DNAH12: variants seen among roughly 807,000 people sequenced by gnomAD.
DNAH12 encodes axonemal beta dynein heavy chain 12.
DNAH12 carries 285 observed loss-of-function variants against 371.5 expected under a neutral mutation model. The observed-to-expected ratio is 0.77, with a 90% CI of 0.70 to 0.85. DNAH12 has a LOEUF of 0.85. Among genes scored for constraint, DNAH12 ranks in the 40% least tolerant of loss-of-function variants. The pLI, the probability that DNAH12 is intolerant of heterozygous loss-of-function variation, is 0.00. For missense variants in DNAH12, 3,611 were observed against 3,689.4 expected (o/e 0.98, Z 0.55); for synonymous variants, 1,200 against 1,213.0 (o/e 0.99, Z 0.22).
In DNAH12 at chr3:57,425,100, G is replaced by A. The variant is rs1193426781; in HGVS notation, c.5295C>T (p.Leu1765=). The A allele has an allele frequency of 5.7e-6, 4 of 702,800 alleles. No individual in the cohort carries two copies. The highest frequency in any genetic ancestry group is 5.4e-5 in the East Asian group (2 of 37,272). The allele number at this position is 702,800 out of a possible 1,614,324, so 43.5% of individuals were successfully genotyped here. The change falls in exon 35 of 74, where the codon CTC becomes CTT. Residue 1765 remains leucine, a synonymous_variant. Transcript: ENST00000495027. ...AAAGTAGCACTTCAAAGAGGCGTGT[G>A]AGAGATACAACCACGTTGCTGTTGC... The part of the protein sequence containing the change: ...PTSNSNVVVS[L]TRLFEVLLCN...
chr3:57,399,280 A>T (rs2153350461), intron 43 of DNAH12, among the ~76,000 whole-genome samples: 1 of 152,292 alleles, frequency 6.6e-6, no homozygotes, highest in East Asian at 1.9e-4. Context: ...AAGCTACAAG[A>T]CACACAGAAA....
intron 2 of DNAH12, among the ~76,000 whole-genome samples, chr3:57,541,122 C>G (rs2069263967): frequency 6.6e-6 from 1 of 151,714 alleles, no homozygotes; most frequent in Non-Finnish European, 1.5e-5. Context: ...TCACTGCAAC[C>G]TCCCCATCCC....
At chr3:57,314,685 G>A in intron 65 of DNAH12, 54 bp from the exon 66 acceptor site, 1 of 1,481,422 alleles carries the variant, frequency 6.8e-7, no homozygotes, top group Non-Finnish European at 9.0e-7. Flanking sequence ...GATTCCATCA[G>A]TAAAATGAGA....
At position 57,310,708 on chromosome 3, in the gene DNAH12, C is replaced by A. The variant is rs1455981333; in HGVS notation, c.10896+9G>T. On this transcript the variant is annotated intron_variant, in intron 67 of 73. Transcript: ENST00000495027. ...ATTAATCTAACCTTATTTTTGGTGA[C>A]ATCATTACCTTAATGAATTCAATGT... 7 of 1,529,204 alleles carry A rather than the reference C, an allele frequency of 4.6e-6. No individual in the cohort carries two copies. The Middle Eastern group carries it at 5.0e-4, about 110-fold the overall frequency. 94.7% of individuals were successfully genotyped at this position (1,529,204 alleles called of 1,614,324 possible).
chr3:57,512,635 A>G (rs2068040481), intron 4 of DNAH12: 1 of 152,234 alleles, frequency 6.6e-6, no homozygotes, highest in African/African-American at 2.4e-5. Context: ...TAGTTCAACC[A>G]TTGTGGAAGA....
At chr3:57,295,914 T>G (rs1468006672) in intron 72 of DNAH12, among the ~76,000 whole-genome samples, 1 of 152,208 alleles carries the variant, frequency 6.6e-6, no homozygotes, top group East Asian at 1.9e-4. Context: ...ATTGCTTAAT[T>G]TCCTGAGTGA....
intron 60 of DNAH12, among the ~76,000 whole-genome samples, chr3:57,343,577 T>C (rs1274108346): frequency 3.3e-5 from 5 of 152,208 alleles, no homozygotes; most frequent in African/African-American, 1.2e-4. Flanking sequence ...TGTGATAGTC[T>C]GAAATATGGC....
At position 57,452,974 on chromosome 3, in the gene DNAH12, G is replaced by A. The variant is rs968382487; in HGVS notation, c.3655C>T (p.Arg1219Ter). The change falls in exon 25 of 74, where the codon CGA (arginine) becomes TGA (stop). Residue 1219 changes from arginine (R) to a stop codon, truncating the protein, a stop_gained. Coordinates refer to ENST00000495027, the MANE Select transcript of DNAH12 (RefSeq NM_001366028.2). LOFTEE classifies it high-confidence loss of function. Reference sequence around the variant, plus strand: ...GCATTCTCATTTTCCCAATAATATCGGAGCTGAGCAAGCCACAGGAAATCT... The same window carrying A: ...GCATTCTCATTTTCCCAATAATATCAGAGCTGAGCAAGCCACAGGAAATCT... ...DTDFLWLAQL[R>*]YYWENENARV... 4 of 1,550,418 alleles carry A rather than the reference G, an allele frequency of 2.6e-6. No homozygotes were observed. The East Asian group carries it at 7.3e-5, about 28-fold the overall frequency.
intron 2 of DNAH12, chr3:57,536,351 G>C (rs1452053854): frequency 6.6e-6 from 1 of 152,142 alleles, no homozygotes; most frequent in Non-Finnish European, 1.5e-5. Context: ...TGCTGCCAAA[G>C]TGAGCACTCA....
In DNAH12 at chr3:57,296,974, T is replaced by C; in HGVS notation, c.11405A>G (p.Asn3802Ser). 2 of 1,551,622 alleles carry C rather than the reference T, an allele frequency of 1.3e-6. No individual in the cohort carries two copies. The highest frequency in any genetic ancestry group is 1.7e-6 in the Non-Finnish European group (2 of 1,146,982). Residue 3802 changes from asparagine (N) to serine (S), a missense_variant, in exon 71 of 74, where the codon AAT becomes AGT. Asn to Ser is a conservative substitution (Grantham distance 46). This residue lies in a region of DNAH12 where 2,266 missense variants were observed against 2,236.9 expected (regional missense o/e 1.01). Transcript: ENST00000495027. ...CCAAAACACACAAGGTTTTCCTGAA[T>C]TATACCAGTCCTACAAAGGGAAAAC... ...ARLNFLQDWY[N>S]SGKPCVFWLS...
intron 40 of DNAH12, among the ~76,000 whole-genome samples, chr3:57,406,377 A>G (rs1302374426): frequency 6.8e-6 from 1 of 146,660 alleles, no homozygotes; most frequent in Non-Finnish European, 1.5e-5. Context: ...AAAAAGAAAA[A>G]AAAAGATTAT....
intron 2 of DNAH12, chr3:57,530,360 G>A (rs527392493): frequency 2.1e-6 from 1 of 480,384 alleles, no homozygotes; most frequent in Non-Finnish European, 3.8e-6. Flanking sequence ...TGCCTTTCTG[G>A]GCCTTGATTT....
intron 17 of DNAH12, 63 bp from the exon 18 acceptor site, chr3:57,462,938 T>C (rs2066099388): frequency 4.4e-6 from 5 of 1,144,386 alleles, no homozygotes; most frequent in African/African-American, 1.5e-5. Context: ...ATAGATTCCA[T>C]AGATGAAGCC....
At chr3:57,377,913 G>C (rs2063314088) in intron 52 of DNAH12, among the ~76,000 whole-genome samples, 1 of 152,118 alleles carries the variant, frequency 6.6e-6, no homozygotes, top group Non-Finnish European at 1.5e-5. Context: ...GAGAGTGTGT[G>C]CCTGTTAGAA....
intron 69 of DNAH12, among the ~76,000 whole-genome samples, chr3:57,302,565 G>GT (rs1407756841): frequency 1.0e-4 from 3 of 28,856 alleles, no homozygotes; most frequent in African/African-American, 2.6e-4. Flanking sequence ...ATATATATAT[G>GT]TATTTTTTTT....
intron 65 of DNAH12, among the ~76,000 whole-genome samples, chr3:57,317,141 A>G (rs989637108): frequency 6.6e-6 from 1 of 152,166 alleles, no homozygotes; most frequent in Non-Finnish European, 1.5e-5. Flanking sequence ...CCCTTAGTTC[A>G]TAACACTATC....
chr3:57,539,963 C>A (rs1039605221), intron 2 of DNAH12, among the ~76,000 whole-genome samples: 2 of 151,974 alleles, frequency 1.3e-5, no homozygotes, highest in Non-Finnish European at 2.9e-5. Flanking sequence ...AAAAGGTTAA[C>A]ATGACTTTTT....
chr3:57,475,218 G>C lies in DNAH12; in HGVS notation c.1651-2547C>G, dbSNP rs1292160786. On this transcript the variant is annotated intron_variant, in intron 13 of 73. Transcript: ENST00000495027. ...AAAATGTCTTTGAACCAAGGTAGGA[G>C]AGGATTTCTTAAATAAAACACAGAA... 3.3e-5 allele frequency among the ~76,000 whole-genome samples: 5 copies of C among 152,280 alleles called. No individual in the cohort carries two copies. In the East Asian group the frequency reaches 9.7e-4, roughly 29 times the overall value.
intron 4 of DNAH12, among the ~76,000 whole-genome samples, chr3:57,522,236 T>A (rs943158426): frequency 2.6e-5 from 4 of 151,680 alleles, no homozygotes; most frequent in South Asian, 2.1e-4. Flanking sequence ...AAAAAAAAAA[T>A]AAATAAATAA....
Sources: gnomAD v4.1 joint callset for allele counts (sites outside exome capture counted in the v4.1 genomes callset) on GRCh38, gnomAD v4.1.1 for gene constraint, gnomAD v4.1.1 regional missense constraint, MANE v1.5 for transcripts, NCBI Gene and HGNC (gene_info 2026-07-23, HGNC 2026-07-21) for gene names.